Variants in ERC1 observed in about 807,000 individuals in gnomAD.
ERC1 encodes RAB6 interacting protein 2.
In ERC1, 56 loss-of-function variants were observed where a neutral mutation model predicts 132.0. That is an observed-to-expected ratio of 0.42 (90% CI 0.34 to 0.53). The LOEUF (loss-of-function observed/expected upper bound fraction) is 0.53. ERC1 is among the 20% of genes least tolerant of loss of function. The pLI is 0.03. For missense variants in ERC1, 1,202 were observed against 1,349.9 expected, an observed-to-expected ratio of 0.89 and a Z score of 1.72; for synonymous variants, 478 against 476.1, an observed-to-expected ratio of 1.00 and a Z score of -0.05.
chr12:1,434,014 G>A (rs1027872100), intron 17 of ERC1, among the ~76,000 whole-genome samples: 2 of 151,076 alleles, frequency 1.3e-5, no homozygotes, highest in African/African-American at 4.9e-5. Flanking sequence ...GTACTCCCTG[G>A]TAGGAGAACC....
At chr12:1,264,443 A>T (rs1388291400) in intron 14 of ERC1, among the ~76,000 whole-genome samples, 1 of 152,128 alleles carries the variant, frequency 6.6e-6, no homozygotes, top group Non-Finnish European at 1.5e-5. Context: ...CGGGCGGATC[A>T]CTTGAGGTCA....
intron 16 of ERC1, among the ~76,000 whole-genome samples, chr12:1,381,918 G>A (rs1241378591): frequency 6.7e-6 from 1 of 149,014 alleles, no homozygotes; most frequent in Admixed American, 6.6e-5. Context: ...AAGGAGGGAG[G>A]GAGGGAGCAG....
chr12:1,316,319 C>G (rs1210071359), intron 15 of ERC1, among the ~76,000 whole-genome samples: 1 of 152,118 alleles, frequency 6.6e-6, no homozygotes, highest in Non-Finnish European at 1.5e-5. Flanking sequence ...ACTTTCTTTT[C>G]TCTGTTAACC....
chr12:1,261,758 A>G (rs1340089336), intron 13 of ERC1, among the ~76,000 whole-genome samples: 1 of 152,234 alleles, frequency 6.6e-6, no homozygotes, highest in East Asian at 1.9e-4. Flanking sequence ...ACAGTATTTT[A>G]TAACTGTGGA....
At chr12:1,387,346 G>A (rs2089488228) in intron 16 of ERC1, among the ~76,000 whole-genome samples, 1 of 152,106 alleles carries the variant, frequency 6.6e-6, no homozygotes, top group Non-Finnish European at 1.5e-5. Context: ...TAAGAATTTG[G>A]TGGGACTAGA....
At chr12:1,207,951 G>A (rs987822607) in intron 12 of ERC1, among the ~76,000 whole-genome samples, 16 of 151,978 alleles carry the variant, frequency 1.1e-4, no homozygotes, top group Admixed American at 2.6e-4. Context: ...TAACTATTGG[G>A]CCATACTTAC....
intron 16 of ERC1, among the ~76,000 whole-genome samples, chr12:1,400,855 A>G (rs2090959748): frequency 1.3e-5 from 2 of 149,918 alleles, no homozygotes; most frequent in Non-Finnish European, 3.0e-5. Context: ...ATCTGAAATC[A>G]GAAAGTATGA....
chr12:1,019,667 A>G (rs1223597752), intron 1 of ERC1, among the ~76,000 whole-genome samples: 1 of 152,192 alleles, frequency 6.6e-6, no homozygotes, highest in African/African-American at 2.4e-5. Context: ...GAAGATCATT[A>G]TGGCACTGGT....
At chr12:1,289,076 C>T (rs2079232315) in intron 14 of ERC1, among the ~76,000 whole-genome samples, 2 of 124,262 alleles carry the variant, frequency 1.6e-5, no homozygotes, top group South Asian at 2.8e-4. Context: ...TCCTTTCTAT[C>T]TGGTATGTAC....
chr12:1,006,935 A>G (rs1963727267), intron 1 of ERC1, among the ~76,000 whole-genome samples: 1 of 150,188 alleles, frequency 6.7e-6, no homozygotes, highest in African/African-American at 2.4e-5. Flanking sequence ...AATATACAAT[A>G]TATATGTGTA....
chr12:1,322,141 T>C (rs1461382974), intron 15 of ERC1, among the ~76,000 whole-genome samples: 3 of 141,662 alleles, frequency 2.1e-5, no homozygotes, highest in African/African-American at 8.0e-5. Flanking sequence ...TATATACTTA[T>C]TATATACTTA....
At chr12:1,133,907 C>G (rs1949010478) in intron 7 of ERC1, among the ~76,000 whole-genome samples, 1 of 152,124 alleles carries the variant, frequency 6.6e-6, no homozygotes, top group African/African-American at 2.4e-5. Flanking sequence ...ATACCGTAAT[C>G]TGTGTTATTT....
Position 1,146,308 on chromosome 12 carries a change from G to GTTTTTTT in ERC1, c.1737+4540_1737+4546dup, listed in dbSNP as rs1172108036. On this transcript the variant is annotated intron_variant, in intron 8 of 18. Transcript: ENST00000360905. ...ATTTCCTTGTTTAGGTATTTTACTG[G>GTTTTTTT]TTTTTTTTTTTTTTTTTTTTTTTTT... Among the ~76,000 whole-genome samples, 84 of 31,764 alleles carry GTTTTTTT rather than the reference G, an allele frequency of 2.6e-3. 4 individuals are homozygous for GTTTTTTT. Among genetic ancestry groups the GTTTTTTT allele is most frequent in the African/African-American group, 5.6e-3 (45 of 7,968 alleles). The allele number at this position is 31,764 out of a possible 152,430, so 20.8% of individuals were successfully genotyped here.
intron 13 of ERC1, among the ~76,000 whole-genome samples, chr12:1,261,792 T>G: frequency 6.6e-6 from 1 of 152,188 alleles, no homozygotes; most frequent in Non-Finnish European, 1.5e-5. Flanking sequence ...CTGAGAAGAA[T>G]GAAAACTTGT....
At chr12:1,257,399 C>G (rs533997067) in intron 13 of ERC1, among the ~76,000 whole-genome samples, 2 of 152,100 alleles carry the variant, frequency 1.3e-5, no homozygotes, top group Non-Finnish European at 2.9e-5. Context: ...TGCTAAGTTT[C>G]GAAGTAACTC....
chr12:1,305,042 A>C (rs2080773432), intron 15 of ERC1, among the ~76,000 whole-genome samples: 1 of 152,042 alleles, frequency 6.6e-6, no homozygotes, highest in Non-Finnish European at 1.5e-5. Context: ...GGCCTCCCAA[A>C]GTGCTGGGAT....
chr12:1,484,144 A>C (rs1363546395), intron 18 of ERC1, among the ~76,000 whole-genome samples: 1 of 151,866 alleles, frequency 6.6e-6, no homozygotes, highest in Non-Finnish European at 1.5e-5. Context: ...TCTCTACTAA[A>C]AATACAAAAA....
chr12:1,165,625 G>A (rs569589483), intron 8 of ERC1, among the ~76,000 whole-genome samples: 3 of 152,248 alleles, frequency 2.0e-5, no homozygotes, highest in South Asian at 2.1e-4. Context: ...GAGCCACCGC[G>A]CCTGGCGAGA....
In ERC1 at chr12:1,334,498, C is replaced by T. The variant is rs187363091; in HGVS notation, c.2781-37335C>T. On this transcript the variant is annotated intron_variant, in intron 15 of 18. Transcript: ENST00000360905. ...CATTTAGTGAATAGGGAGTCCTTTCCTTCATTGCTTGCTTTTGTCAGGTTT... is the reference window on the plus strand; with the variant it reads ...CATTTAGTGAATAGGGAGTCCTTTCTTTCATTGCTTGCTTTTGTCAGGTTT... 1.1e-3 allele frequency among the ~76,000 whole-genome samples: 173 copies of T among 152,198 alleles called. No homozygotes were observed. In the Middle Eastern group the frequency reaches 0.014, roughly 12 times the overall value.
Sources: gnomAD v4.1 joint callset for allele counts (sites outside exome capture counted in the v4.1 genomes callset) on GRCh38, gnomAD v4.1.1 for gene constraint, MANE v1.5 for transcripts, NCBI Gene and HGNC (gene_info 2026-07-23, HGNC 2026-07-21) for gene names.